The following ELAVL4 variants were observed in gnomAD, a reference collection of about 807,000 sequenced individuals.
The protein encoded by ELAVL4 is ELAV-like protein 4.
In ELAVL4, 1 loss-of-function variant was observed where a neutral mutation model predicts 35.6. That is an observed-to-expected ratio of 0.03 (90% confidence interval 0.01 to 0.13). ELAVL4 has a LOEUF of 0.13. Among genes scored for constraint, ELAVL4 ranks in the 10% least tolerant of loss-of-function variants. The pLI is 1.00. For missense variants in ELAVL4, 267 were observed against 464.9 expected (o/e 0.57, Z 3.91); for synonymous variants, 156 against 171.0 (o/e 0.91, Z 0.69).
chr1:50,190,519 C>A (rs1260626718), intron 3 of ELAVL4, among the ~76,000 whole-genome samples: 1 of 152,134 alleles, frequency 6.6e-6, no homozygotes, highest in Non-Finnish European at 1.5e-5. Context: ...ACTTAAGGTT[C>A]CATATAGGTG....
At chr1:50,160,360 C>T (rs968577964) in intron 2 of ELAVL4, among the ~76,000 whole-genome samples, 1 of 152,112 alleles carries the variant, frequency 6.6e-6, no homozygotes, top group Admixed American at 6.6e-5. Context: ...CTTTATTTTG[C>T]CTTATTTCCT....
chr1:50,169,187 T>C (rs1018204509), intron 2 of ELAVL4, among the ~76,000 whole-genome samples: 1 of 151,916 alleles, frequency 6.6e-6, no homozygotes, highest in East Asian at 1.9e-4. Flanking sequence ...GGCCTGTCTT[T>C]CCTTTTCACA....
Position 50,193,778 on chromosome 1 carries a change from G to A in ELAVL4, c.368G>A (p.Arg123His). Residue 123 changes from arginine to histidine, a missense_variant, in exon 4 of 7, where the codon CGT becomes CAT. By Grantham distance (29) the Arg-to-His change is conservative (BLOSUM62 0). Coordinates refer to ENST00000371824, the MANE Select transcript of ELAVL4 (RefSeq NM_001144774.3). ...QTKTIKVSYA[R>H]PSSASIRDAN... ...GCCTTTTCCTAGGTCTCATATGCCC[G>A]TCCGAGCTCTGCCTCAATCAGGGAT... 2 of 1,613,630 alleles carry A rather than the reference G, an allele frequency of 1.2e-6. No homozygotes were observed. Among genetic ancestry groups the A allele is most frequent in the African/African-American group, 1.3e-5 (1 of 74,972 alleles).
intron 1 of ELAVL4, chr1:50,110,018 T>C (rs1278810809): frequency 8.7e-6 from 14 of 1,605,276 alleles, no homozygotes; most frequent in African/African-American, 1.3e-5. Flanking sequence ...TGTGTGTGTG[T>C]GTGTGTGTGC....
At chr1:50,155,585 A>G (rs1675592421) in intron 2 of ELAVL4, among the ~76,000 whole-genome samples, 1 of 152,088 alleles carries the variant, frequency 6.6e-6, no homozygotes, top group Non-Finnish European at 1.5e-5. Context: ...AATGTGCCCT[A>G]TGGAGGAGGT....
At chr1:50,197,377 C>T (rs1490690840) in intron 5 of ELAVL4, 52 bp from the exon 6 acceptor site, 23 of 1,527,818 alleles carry the variant, frequency 1.5e-5, no homozygotes, top group Admixed American at 4.7e-5. Context: ...TTCCATTGAG[C>T]GATCTTGCCA....
chr1:50,097,500 G>A (rs1251056952), intron 1 of ELAVL4, among the ~76,000 whole-genome samples: 1 of 152,170 alleles, frequency 6.6e-6, no homozygotes, highest in African/African-American at 2.4e-5. Context: ...TACTCAAGAA[G>A]GTTCTGGTCC....
chr1:50,120,892 G>T (rs1668912143), intron 1 of ELAVL4, among the ~76,000 whole-genome samples: 2 of 152,114 alleles, frequency 1.3e-5, no homozygotes, highest in South Asian at 4.1e-4. Flanking sequence ...GAGAGAAGAT[G>T]GTGGTGAGTG....
chr1:50,137,221 A>G (rs1672032528), intron 1 of ELAVL4, among the ~76,000 whole-genome samples: 1 of 152,132 alleles, frequency 6.6e-6, no homozygotes, highest in South Asian at 2.1e-4. Flanking sequence ...TAGGGAAAAT[A>G]TTAGGACAAG....
chr1:50,103,725 A>G (rs1175737577), upstream of ELAVL4, among the ~76,000 whole-genome samples: 2 of 152,228 alleles, frequency 1.3e-5, no homozygotes, highest in Admixed American at 6.5e-5. Flanking sequence ...TCTGCATGAC[A>G]GTGAAGAAGG....
chr1:50,075,603 C>A (rs1664724173), intron 1 of ELAVL4, among the ~76,000 whole-genome samples: 2 of 152,240 alleles, frequency 1.3e-5, no homozygotes, highest in Non-Finnish European at 1.5e-5. Flanking sequence ...AGAGGCCAGA[C>A]CACAGTGGGT....
At chr1:50,109,516 G>A (rs1666698946) in intron 1 of ELAVL4, 2 of 364,184 alleles carry the variant, frequency 5.5e-6, no homozygotes, top group Admixed American at 4.3e-5. Flanking sequence ...GGCAAAAGAA[G>A]GGTTTTCTTT....
At chr1:50,094,796 G>A (rs1665650454) in intron 1 of ELAVL4, among the ~76,000 whole-genome samples, 1 of 151,480 alleles carries the variant, frequency 6.6e-6, no homozygotes. Context: ...TGGGCTTGAT[G>A]GCAGGTGCCT....
At position 50,142,493 on chromosome 1, in the gene ELAVL4, G is replaced by A. The variant is rs549930592; in HGVS notation, c.10-2464G>A. Among the ~76,000 whole-genome samples, 6 of 152,222 alleles carry A rather than the reference G, an allele frequency of 3.9e-5. No homozygotes were observed. The East Asian group carries it at 7.7e-4, about 20-fold the overall frequency. On this transcript the variant is annotated intron_variant, in intron 1 of 6. Coordinates refer to ENST00000371824, the MANE Select transcript of ELAVL4 (RefSeq NM_001144774.3). ...GTTGGGATTACAGGTGTGAGCCACC[G>A]CACCTGGCCTAGAACTCAGATTTTA... is the stretch of plus-strand genomic sequence containing the variant.
intron 1 of ELAVL4, among the ~76,000 whole-genome samples, chr1:50,068,705 T>C (rs545227693): frequency 3.3e-5 from 5 of 152,216 alleles, no homozygotes; most frequent in Non-Finnish European, 7.3e-5. Flanking sequence ...GATTTTTGAA[T>C]TGCATTTCTG....
chr1:50,190,671 T>C (rs1682532158), intron 3 of ELAVL4, among the ~76,000 whole-genome samples: 1 of 152,244 alleles, frequency 6.6e-6, no homozygotes, highest in Admixed American at 6.5e-5. Flanking sequence ...ATTCTACCTA[T>C]GTTGGAATCA....
intron 1 of ELAVL4, among the ~76,000 whole-genome samples, chr1:50,063,538 C>G (rs767355318): frequency 8.5e-5 from 13 of 152,164 alleles, no homozygotes; most frequent in Non-Finnish European, 1.3e-4. Context: ...CATTTGCACT[C>G]ATCTATTTTG....
upstream of ELAVL4, among the ~76,000 whole-genome samples, chr1:50,107,921 T>A (rs1233793725): frequency 6.6e-6 from 1 of 152,168 alleles, no homozygotes. Context: ...AATGTCTCTT[T>A]GCAAATCTCT....
At chr1:50,163,360 G>A (rs1677135047) in intron 2 of ELAVL4, among the ~76,000 whole-genome samples, 1 of 152,084 alleles carries the variant, frequency 6.6e-6, no homozygotes, top group East Asian at 1.9e-4. Flanking sequence ...TTCCACATCT[G>A]TAGAAGGGAT....
Sources: allele counts gnomAD v4.1 joint callset (sites outside exome capture counted in the v4.1 genomes callset), GRCh38; gene constraint gnomAD v4.1.1; transcripts MANE v1.5; gene names NCBI Gene and HGNC (gene_info 2026-07-23, HGNC 2026-07-21).